The following PTPRD variants were observed in gnomAD, a reference collection of about 807,000 sequenced individuals.
The protein encoded by PTPRD is protein tyrosine phosphatase receptor type D.
In PTPRD, 34 loss-of-function variants were observed where a neutral mutation model predicts 214.5. The ratio of observed to expected loss-of-function variants is 0.16; its 90% CI spans 0.12 to 0.21. The LOEUF (loss-of-function observed/expected upper bound fraction) is 0.21, where lower values mean the gene tolerates loss of function less well. PTPRD is among the 10% of genes least tolerant of loss of function. The probability of loss-of-function intolerance (pLI) is 1.00; values close to 1 mark genes in which losing one functional copy is unlikely to be tolerated. For synonymous variants in PTPRD, 1,128 were observed against 845.7 expected, an observed-to-expected ratio of 1.33 and a Z score of -5.79; for missense variants, 2,545 against 2,398.7, an observed-to-expected ratio of 1.06 and a Z score of -1.27.
At chr9:9,187,693 C>G (rs1387358677) in intron 9 of PTPRD, among the ~76,000 whole-genome samples, 1 of 151,796 alleles carries the variant, frequency 6.6e-6, no homozygotes, top group Non-Finnish European at 1.5e-5. Flanking sequence ...ATAACAACAA[C>G]AACAAATACT....
At chr9:9,406,429 T>C (rs983364389) in intron 8 of PTPRD, among the ~76,000 whole-genome samples, 4 of 151,890 alleles carry the variant, frequency 2.6e-5, no homozygotes, top group South Asian at 2.1e-4. Flanking sequence ...GGTTGAAAAA[T>C]GTGAGCCTTC....
intron 9 of PTPRD, among the ~76,000 whole-genome samples, chr9:9,389,143 G>C (rs1292459399): frequency 6.6e-6 from 1 of 152,086 alleles, no homozygotes; most frequent in Non-Finnish European, 1.5e-5. Context: ...GATAATATAT[G>C]TAAAACATGT....
chr9:9,584,685 G>A (rs781727303), intron 7 of PTPRD, among the ~76,000 whole-genome samples: 11 of 151,550 alleles, frequency 7.3e-5, no homozygotes, highest in African/African-American at 1.5e-4. Flanking sequence ...TCTCCTCCTC[G>A]CAGTTTTGCT....
At chr9:9,779,386 C>G (rs2494403) in intron 5 of PTPRD, among the ~76,000 whole-genome samples, 69,370 of 151,786 alleles carry the variant, frequency 0.46, 16,275 homozygotes, top group East Asian at 0.7. Context: ...TTCTGCACAG[C>G]GAAAGAAACT....
chr9:9,453,843 G>C (rs1001288814), intron 8 of PTPRD, among the ~76,000 whole-genome samples: 1 of 151,610 alleles, frequency 6.6e-6, no homozygotes, highest in Non-Finnish European at 1.5e-5. Context: ...CTTTCAAAGA[G>C]AAACTCAGAA....
chr9:10,165,043 A>G (rs1028989421), intron 3 of PTPRD, among the ~76,000 whole-genome samples: 1 of 151,684 alleles, frequency 6.6e-6, no homozygotes, highest in African/African-American at 2.4e-5. Context: ...CACATGTTTA[A>G]TTAGAAGATG....
chr9:9,085,946 G>C (rs1031338201), intron 10 of PTPRD, among the ~76,000 whole-genome samples: 6 of 152,044 alleles, frequency 3.9e-5, no homozygotes, highest in African/African-American at 7.2e-5. Flanking sequence ...AGATGCTTGT[G>C]GTTTTGCTTT....
At chr9:8,569,769 T>C (rs557972294) in intron 14 of PTPRD, among the ~76,000 whole-genome samples, 14 of 148,820 alleles carry the variant, frequency 9.4e-5, no homozygotes, top group African/African-American at 3.5e-4. Context: ...AAAGTTTGTT[T>C]ATTATTTTAA....
chr9:10,270,500 T>G (rs2094357088), intron 3 of PTPRD, among the ~76,000 whole-genome samples: 1 of 152,190 alleles, frequency 6.6e-6, no homozygotes, highest in Admixed American at 6.5e-5. Flanking sequence ...CAGAGAGGGC[T>G]GTGCCAGATA....
At chr9:10,545,626 T>C (rs2060017896) in intron 2 of PTPRD, among the ~76,000 whole-genome samples, 2 of 152,272 alleles carry the variant, frequency 1.3e-5, no homozygotes, top group South Asian at 2.1e-4. Context: ...GTTATGCATA[T>C]AGACCAAGAG....
intron 10 of PTPRD, among the ~76,000 whole-genome samples, chr9:9,109,020 A>C (rs1165643524): frequency 6.6e-6 from 1 of 152,164 alleles, no homozygotes; most frequent in African/African-American, 2.4e-5. Flanking sequence ...TAAAGTAGTC[A>C]GCCTGTTCCT....
chr9:9,635,499 T>A (rs1593697154), intron 7 of PTPRD, among the ~76,000 whole-genome samples: 1 of 152,196 alleles, frequency 6.6e-6, no homozygotes, highest in East Asian at 1.9e-4. Context: ...CTCAGTTTCA[T>A]TCAATTCTGG....
At chr9:9,038,802 C>A (rs1428674437) in intron 10 of PTPRD, among the ~76,000 whole-genome samples, 1 of 152,092 alleles carries the variant, frequency 6.6e-6, no homozygotes, top group Non-Finnish European at 1.5e-5. Flanking sequence ...AGTGATCAGT[C>A]CGCCTCGGAC....
intron 5 of PTPRD, among the ~76,000 whole-genome samples, chr9:9,850,661 A>G (rs2060388129): frequency 6.6e-6 from 1 of 152,186 alleles, no homozygotes; most frequent in Non-Finnish European, 1.5e-5. Context: ...GTATTGTATC[A>G]CATATTTGTT....
chr9:8,950,049 A>G (rs2099093082), intron 11 of PTPRD, among the ~76,000 whole-genome samples: 1 of 152,136 alleles, frequency 6.6e-6, no homozygotes, highest in Non-Finnish European at 1.5e-5. Context: ...TCGTGTTGCA[A>G]TTCTACAAAA....
In PTPRD at chr9:10,518,693, C is replaced by T. The variant is rs536110564; in HGVS notation, c.-600+93705G>A. Reference sequence around the variant, plus strand: ...GACTACAGGCGCCCGCCACCACACCCGGCTAATTTTTTGTATTTTTAGTAC... The same window carrying T: ...GACTACAGGCGCCCGCCACCACACCTGGCTAATTTTTTGTATTTTTAGTAC... On this transcript the variant is annotated intron_variant, in intron 2 of 45. Coordinates refer to ENST00000381196, the MANE Select transcript of PTPRD (RefSeq NM_002839.4). Among the ~76,000 whole-genome samples, 311 of 152,044 alleles carry T rather than the reference C, an allele frequency of 2.0e-3. 1 individual carries two copies. Among genetic ancestry groups the T allele is most frequent in the Admixed American group, 4.1e-3 (62 of 15,222 alleles).
chr9:9,339,792 C>G (rs2046062646), intron 9 of PTPRD, among the ~76,000 whole-genome samples: 1 of 152,126 alleles, frequency 6.6e-6, no homozygotes, highest in South Asian at 2.1e-4. Context: ...AAGATGCTCA[C>G]TACTTTGAGA....
intron 14 of PTPRD, among the ~76,000 whole-genome samples, chr9:8,584,172 TA>T (rs1421956968): frequency 6.6e-6 from 1 of 152,132 alleles, no homozygotes; most frequent in African/African-American, 2.4e-5. Context: ...TAAAAAATTT[TA>T]AAAAGTAAAA....
chr9:10,004,223 G>T lies in PTPRD; in HGVS notation c.-472+29495C>A, dbSNP rs1309301913. The stretch of plus-strand genomic sequence containing the variant: ...ATTTAGGTTGTATATATTGGGTGTT[G>T]TTTTTCCAGAAGATAAAATTGTTAA... On this transcript the variant is annotated intron_variant, in intron 4 of 45. Coordinates refer to ENST00000381196, the MANE Select transcript of PTPRD (RefSeq NM_002839.4). Among the ~76,000 whole-genome samples the T allele has an allele frequency of 2.0e-5, 3 of 151,882 alleles. No homozygotes were observed. The East Asian group carries it at 5.8e-4, about 29-fold the overall frequency.
Sources: gnomAD v4.1 joint callset for allele counts (sites outside exome capture counted in the v4.1 genomes callset) on GRCh38, gnomAD v4.1.1 for gene constraint, MANE v1.5 for transcripts, NCBI Gene and HGNC (gene_info 2026-07-23, HGNC 2026-07-21) for gene names.